Variants in DNAAF9 observed in about 807,000 individuals in gnomAD.
DNAAF9 encodes shulin.
Under a neutral mutation model 167.0 loss-of-function variants are expected in DNAAF9, and 90 were observed. That is an observed-to-expected ratio of 0.54 (90% CI 0.45 to 0.64). The LOEUF is 0.64. DNAAF9 is among the 30% of genes least tolerant of loss of function. DNAAF9 has a pLI of 0.00. For missense variants in DNAAF9, 1,315 were observed against 1,442.2 expected (o/e 0.91, Z 1.43); for synonymous variants, 491 against 508.8 (o/e 0.96, Z 0.47).
rs200633758 is a variant in DNAAF9 at position 3,284,173 on chromosome 20, CTTTTTTTTTTTT to C, written c.2487-2419_2487-2408del. 1.7e-4 allele frequency among the ~76,000 whole-genome samples: 20 copies of C among 118,266 alleles called. No individual in the cohort carries two copies. In the East Asian group the frequency reaches 4.4e-3, roughly 26 times the overall value. The allele number at this position is 118,266 out of a possible 152,430, so 77.6% of individuals were successfully genotyped here. A position where few individuals can be genotyped will look rare whatever the true frequency, so the allele number is the denominator to read the frequency against. ...AGCACCACGCTCAAGTTACTAGAGT[CTTTTTTTTTTTT>C]TTTTTTTTTTTTTGAGACAGAGTCT... On this transcript the variant is annotated intron_variant, in intron 27 of 36. Coordinates refer to ENST00000252032, the MANE Select transcript of DNAAF9 (RefSeq NM_001009984.3).
intron 21 of DNAAF9, among the ~76,000 whole-genome samples, chr20:3,300,727 A>T (rs560902530): frequency 7.9e-6 from 1 of 127,344 alleles, no homozygotes; most frequent in Non-Finnish European, 1.7e-5. Context: ...TAATAATAAT[A>T]ATTTTTTGTA....
intron 33 of DNAAF9, among the ~76,000 whole-genome samples, chr20:3,258,176 TA>T (rs1050896525): frequency 2.7e-5 from 4 of 149,260 alleles, no homozygotes; most frequent in South Asian, 2.1e-4. Flanking sequence ...AAAAAAGAAA[TA>T]AAAAAAAAGA....
chr20:3,291,333 G>C (rs1463067836), intron 25 of DNAAF9, among the ~76,000 whole-genome samples: 4 of 150,776 alleles, frequency 2.7e-5, no homozygotes, highest in South Asian at 2.1e-4. Flanking sequence ...AAGTGCCTCT[G>C]TAAGTTTTTT....
intron 10 of DNAAF9, among the ~76,000 whole-genome samples, chr20:3,333,901 G>A (rs557709606): frequency 6.6e-6 from 1 of 152,290 alleles, no homozygotes; most frequent in East Asian, 1.9e-4. Flanking sequence ...TCTCAGGAAA[G>A]AACTTTGGAT....
chr20:3,349,796 T>C (rs1034557633), intron 7 of DNAAF9, among the ~76,000 whole-genome samples: 8 of 152,208 alleles, frequency 5.3e-5, no homozygotes, highest in African/African-American at 1.9e-4. Flanking sequence ...TTGCTTAAGA[T>C]ACTCCTCAAG....
chr20:3,356,966 A>G (rs2083295014), intron 7 of DNAAF9, among the ~76,000 whole-genome samples: 1 of 152,090 alleles, frequency 6.6e-6, no homozygotes, highest in Non-Finnish European at 1.5e-5. Flanking sequence ...TGGTTTCTCT[A>G]TTTCATTATT....
At chr20:3,290,099 C>A in intron 26 of DNAAF9, 30 bp downstream of exon 26, 1 of 1,438,774 alleles carries the variant, frequency 7.0e-7, no homozygotes, top group South Asian at 1.1e-5. Flanking sequence ...GAATCCCTTT[C>A]CCCAAAGCAA....
At chr20:3,375,260 A>C in intron 4 of DNAAF9, 134 bp from the exon 5 acceptor site, 1 of 613,840 alleles carries the variant, frequency 1.6e-6, no homozygotes. Context: ...AGGTGTTTCC[A>C]AAGCCAACCT....
intron 29 of DNAAF9, among the ~76,000 whole-genome samples, chr20:3,274,782 A>C (rs2068650979): frequency 6.6e-6 from 1 of 152,192 alleles, no homozygotes; most frequent in Non-Finnish European, 1.5e-5. Context: ...CTCCCTGTAC[A>C]TAGAGGGGCC....
rs751968871 is a variant in DNAAF9, at chr20:3,340,625, G to A, written c.860C>T (p.Pro287Leu). The stretch of plus-strand genomic sequence containing the variant: ...GGAGTGATTACCAAAGAGAACAAAT[G>A]GCTGCCGGTTAGGGCTAGAGAGGGA... ...HITENSPNRQPFVLFGNHSTR... is the reference protein window; with the variant it reads ...HITENSPNRQLFVLFGNHSTR... Residue 287 changes from proline to leucine, a missense_variant, in exon 10 of 37, where the codon CCA (proline) becomes CTA (leucine). By Grantham distance (98) the Pro-to-Leu change is moderately conservative. Around this residue, in one of 2 missense-constraint regions of DNAAF9, gnomAD observed 981 missense variants for 1,012.5 expected, o/e 0.97. Coordinates refer to ENST00000252032, the MANE Select transcript of DNAAF9 (RefSeq NM_001009984.3). The A allele has an allele frequency of 1.9e-6, 3 of 1,613,916 alleles. No homozygotes were observed. The East Asian group carries it at 6.7e-5, about 36-fold the overall frequency.
chr20:3,382,370 G>T, intron 2 of DNAAF9, 57 bp downstream of exon 2: 1 of 1,326,436 alleles, frequency 7.5e-7, no homozygotes, highest in Non-Finnish European at 1.1e-6. Flanking sequence ...ACCTTCCTGT[G>T]AACAAAAAAA....
Position 3,289,256 on chromosome 20 carries a change from G to A in DNAAF9, c.2327+873C>T, listed in dbSNP as rs373397099. ...CATGTGTAACAAACCTGCACGTTGT[G>A]CACATGTATTCTAAAACTTAAAGTA... On this transcript the variant is annotated intron_variant, in intron 26 of 36. Coordinates refer to ENST00000252032, the MANE Select transcript of DNAAF9 (RefSeq NM_001009984.3). Among the ~76,000 whole-genome samples the A allele has an allele frequency of 1.8e-4, 28 of 152,250 alleles. 3 individuals are homozygous for A. Among genetic ancestry groups the A allele is most frequent in the East Asian group, 1.5e-3 (8 of 5,178 alleles).
At chr20:3,267,398 G>A (rs1184749886) in intron 30 of DNAAF9, among the ~76,000 whole-genome samples, 1 of 152,142 alleles carries the variant, frequency 6.6e-6, no homozygotes, top group East Asian at 1.9e-4. Flanking sequence ...CATGCAGTCA[G>A]CTAATTCTCC....
intron 21 of DNAAF9, among the ~76,000 whole-genome samples, chr20:3,302,832 G>A (rs964387185): frequency 6.6e-6 from 1 of 152,110 alleles, no homozygotes; most frequent in Non-Finnish European, 1.5e-5. Context: ...TGGTTTGATA[G>A]TAAAGGTGGT....
intron 3 of DNAAF9, 118 bp downstream of exon 3, chr20:3,381,261 G>A (rs2008901): frequency 0.4 from 323,818 of 802,584 alleles, 66,584 homozygotes; most frequent in South Asian, 0.52. Context: ...AAAAGCAAAC[G>A]TTTACTGGGG....
At chr20:3,285,757 T>C (rs572337012) in intron 27 of DNAAF9, among the ~76,000 whole-genome samples, 1 of 149,890 alleles carries the variant, frequency 6.7e-6, no homozygotes, top group Non-Finnish European at 1.5e-5. Context: ...GGTGGGCGGA[T>C]CACCTGAGGT....
At chr20:3,327,530 G>A (rs2069733281) in intron 12 of DNAAF9, among the ~76,000 whole-genome samples, 1 of 152,080 alleles carries the variant, frequency 6.6e-6, no homozygotes, top group Admixed American at 6.5e-5. Context: ...GAACTGACAA[G>A]GTCTCACCTA....
chr20:3,407,218 T>C (rs912022815), intron 1 of DNAAF9, among the ~76,000 whole-genome samples: 10 of 151,960 alleles, frequency 6.6e-5, no homozygotes, highest in East Asian at 5.8e-4. Context: ...AGGGAAGCCA[T>C]TGTGGGGAAA....
At chr20:3,257,531 G>T (rs1185890556) in intron 33 of DNAAF9, among the ~76,000 whole-genome samples, 1 of 151,842 alleles carries the variant, frequency 6.6e-6, no homozygotes, top group Non-Finnish European at 1.5e-5. Flanking sequence ...AAAGAAGAAA[G>T]AAATAAAAAT....
Sources: gnomAD v4.1 joint callset for allele counts (sites outside exome capture counted in the v4.1 genomes callset) on GRCh38, gnomAD v4.1.1 for gene constraint, gnomAD v4.1.1 regional missense constraint, MANE v1.5 for transcripts, NCBI Gene and HGNC (gene_info 2026-07-23, HGNC 2026-07-21) for gene names.